BLTP3A: variants seen among roughly 807,000 people sequenced by gnomAD.
BLTP3A encodes ICBP90 binding protein 1.
chr6:34,859,555 T>G, the BLTP3A span: 1 of 1,613,874 alleles, frequency 6.2e-7, no homozygotes, highest in Non-Finnish European at 8.5e-7. Context: ...CAAGATGTTG[T>G]CCCTGCCCCC....
chr6:34,793,310 A>G, the BLTP3A span, among the ~76,000 whole-genome samples: 447 of 152,278 alleles, frequency 2.9e-3, 2 homozygotes, highest in African/African-American at 9.5e-3. Flanking sequence ...GTGATGGTTA[A>G]TACCTTAACC....
At chr6:34,852,589 A>C in the BLTP3A span, among the ~76,000 whole-genome samples, 1 of 132,336 alleles carries the variant, frequency 7.6e-6, no homozygotes, top group African/African-American at 3.1e-5. Context: ...CCTCAGGTGC[A>C]AGGAAGCAGT....
At chr6:34,863,445 A>G in the BLTP3A span, among the ~76,000 whole-genome samples, 1,266 of 152,184 alleles carry the variant, frequency 8.3e-3, 19 homozygotes, top group African/African-American at 0.027. Context: ...TTGCCTATAG[A>G]ATACCCTCTT....
At chr6:34,830,048 C>T in the BLTP3A span, among the ~76,000 whole-genome samples, 10 of 151,680 alleles carry the variant, frequency 6.6e-5, no homozygotes, top group Non-Finnish European at 1.2e-4. Context: ...CTCCTGACCT[C>T]GTGATTTGCC....
At chr6:34,857,375 C>G in the BLTP3A span, 3 of 1,614,198 alleles carry the variant, frequency 1.9e-6, no homozygotes, top group South Asian at 2.2e-5. Flanking sequence ...ACACTCCTTT[C>G]CTGCAGTCGG....
At chr6:34,809,756 G>A in the BLTP3A span, among the ~76,000 whole-genome samples, 54,893 of 151,468 alleles carry the variant, frequency 0.36, 11,826 homozygotes, top group African/African-American at 0.61. Context: ...GGGTTTCATC[G>A]TGTTGGCCAA....
At chr6:34,795,666 G>A in the BLTP3A span, among the ~76,000 whole-genome samples, 19 of 151,846 alleles carry the variant, frequency 1.3e-4, no homozygotes, top group African/African-American at 4.6e-4. Context: ...CTCCCAAAGT[G>A]CTGGGATTAC....
chr6:34,835,309 G>A, the BLTP3A span: 2 of 1,614,080 alleles, frequency 1.2e-6, no homozygotes, highest in East Asian at 4.5e-5. Context: ...AGATTGCAAT[G>A]TGATATCCTC....
chr6:34,792,126 T>TGGC, the BLTP3A span: 326 of 709,982 alleles, frequency 4.6e-4, no homozygotes, highest in Middle Eastern at 1.4e-3. Context: ...GAAAGCGCCA[T>TGGC]GGCGGCGGCG....
chr6:34,823,214 TG>T, the BLTP3A span: 1 of 1,495,838 alleles, frequency 6.7e-7, no homozygotes, highest in Non-Finnish European at 9.3e-7. Context: ...GTGCTGTGTG[TG>T]TATTTGTGTA....
chr6:34,800,289 A>G, the BLTP3A span, among the ~76,000 whole-genome samples: 1 of 152,232 alleles, frequency 6.6e-6, no homozygotes. Flanking sequence ...TGGGTATGGC[A>G]TTAATCACGG....
the BLTP3A span, among the ~76,000 whole-genome samples, chr6:34,822,885 T>G: frequency 2.4e-3 from 371 of 151,478 alleles, 1 homozygote; most frequent in Non-Finnish European, 3.7e-3. Flanking sequence ...TTGGGTTGAC[T>G]GTTGGATGAT....
At chr6:34,849,004 T>A in the BLTP3A span, among the ~76,000 whole-genome samples, 2 of 151,380 alleles carry the variant, frequency 1.3e-5, no homozygotes, top group African/African-American at 4.9e-5. Context: ...TTTTTCTTTT[T>A]TTTTTGTTTT....
the BLTP3A span, among the ~76,000 whole-genome samples, chr6:34,853,308 G>A: frequency 6.6e-6 from 1 of 151,688 alleles, no homozygotes; most frequent in Non-Finnish European, 1.5e-5. Context: ...TCCTGACTGA[G>A]GCTAGGACTC....
At chr6:34,855,531 C>G in the BLTP3A span, 12 of 1,495,960 alleles carry the variant, frequency 8.0e-6, no homozygotes, top group Non-Finnish European at 1.1e-5. Context: ...TGAAGCTGGT[C>G]GTTAAGAGGA....
At chr6:34,808,047 G>C in the BLTP3A span, among the ~76,000 whole-genome samples, 36 of 143,958 alleles carry the variant, frequency 2.5e-4, no homozygotes, top group African/African-American at 8.8e-4. Flanking sequence ...CTAATAATAA[G>C]AATAGAAATC....
At chr6:34,865,903 A>G in the BLTP3A span, among the ~76,000 whole-genome samples, 4,765 of 152,320 alleles carry the variant, frequency 0.031, 109 homozygotes, top group South Asian at 0.052. Flanking sequence ...CCCATTACCT[A>G]GCTTTGAAAT....
At chr6:34,829,975 T>G in the BLTP3A span, among the ~76,000 whole-genome samples, 1 of 152,068 alleles carries the variant, frequency 6.6e-6, no homozygotes, top group East Asian at 1.9e-4. Flanking sequence ...TCACTGATTT[T>G]TTTGTGTGTG....
the BLTP3A span, among the ~76,000 whole-genome samples, chr6:34,822,599 T>TAC: frequency 6.6e-6 from 1 of 152,096 alleles, no homozygotes; most frequent in African/African-American, 2.4e-5. Flanking sequence ...TGCGGTGCTG[T>TAC]AATGCCAGCA....
Sources: allele counts gnomAD v4.1 joint callset (sites outside exome capture counted in the v4.1 genomes callset), GRCh38; gene constraint gnomAD v4.1.1; transcripts MANE v1.5; gene names NCBI Gene and HGNC (gene_info 2026-07-23, HGNC 2026-07-21).